KAZN: variants seen among roughly 807,000 people sequenced by gnomAD.
KAZN encodes kazrin, periplakin interacting protein.
KAZN carries 40 observed loss-of-function variants against 87.4 expected under a neutral mutation model. The ratio of observed to expected loss-of-function variants is 0.46; its 90% confidence interval spans 0.36 to 0.60. KAZN has a LOEUF of 0.60. Among genes scored for constraint, KAZN ranks in the 20% least tolerant of loss-of-function variants. The pLI is 0.00. For synonymous variants in KAZN, 466 were observed against 458.3 expected, an observed-to-expected ratio of 1.02 and a Z score of -0.22; for missense variants, 898 against 1,073.9, an observed-to-expected ratio of 0.84 and a Z score of 2.29.
At chr1:13,911,956 T>A (rs1342390418) in intron 1 of KAZN, among the ~76,000 whole-genome samples, 2 of 152,194 alleles carry the variant, frequency 1.3e-5, no homozygotes, top group Admixed American at 6.5e-5. Context: ...TATTGATGTG[T>A]TATTTTGGAC....
intron 2 of KAZN, among the ~76,000 whole-genome samples, chr1:14,276,671 T>C (rs1652383558): frequency 6.6e-6 from 1 of 152,168 alleles, no homozygotes; most frequent in Non-Finnish European, 1.5e-5. Flanking sequence ...TCTCTTTCTA[T>C]AAAAACACCA....
At chr1:14,138,620 T>C (rs1431503006) in intron 1 of KAZN, among the ~76,000 whole-genome samples, 2 of 152,130 alleles carry the variant, frequency 1.3e-5, no homozygotes, top group African/African-American at 4.8e-5. Context: ...CTGCTAGGAA[T>C]GCAGAAGTGG....
chr1:14,485,553 G>A (rs756701501), intron 2 of KAZN, among the ~76,000 whole-genome samples: 9 of 152,074 alleles, frequency 5.9e-5, no homozygotes, highest in Non-Finnish European at 1.2e-4. Flanking sequence ...TGATCCAAAA[G>A]TTACTACCCC....
rs1451824529 is a variant in KAZN at position 14,856,423 on chromosome 1, G to A, written c.227-104261G>A. Among the ~76,000 whole-genome samples the A allele has an allele frequency of 1.3e-5, 2 of 152,168 alleles. No individual in the cohort carries two copies. Among genetic ancestry groups the A allele is most frequent in the African/African-American group, 4.8e-5 (2 of 41,432 alleles). On this transcript the variant is annotated intron_variant, in intron 1 of 14. Transcript: ENST00000376030. This position sits in a 1 kb window ranked among gnomAD's most constrained non-coding sequence, Gnocchi z 5.2. ...AGAAGGAGGCAATATTTCCATAGGT[G>A]GCATAGCTAAAGACATTACAAAGGG...
intron 2 of KAZN, among the ~76,000 whole-genome samples, chr1:14,580,433 C>T (rs895734896): frequency 6.6e-6 from 1 of 152,138 alleles, no homozygotes; most frequent in African/African-American, 2.4e-5. Context: ...CGAGATCGTG[C>T]CATTGCACTC....
intron 14 of KAZN, chr1:15,112,743 G>A (rs574427709): frequency 2.7e-4 from 135 of 506,352 alleles, no homozygotes; most frequent in African/African-American, 1.5e-3. Context: ...CAAAGCCCCC[G>A]CAGGGCTTCG....
intron 2 of KAZN, among the ~76,000 whole-genome samples, chr1:14,473,319 G>A (rs1325052476): frequency 6.6e-6 from 1 of 152,152 alleles, no homozygotes; most frequent in Non-Finnish European, 1.5e-5. Flanking sequence ...TATTTGCTAA[G>A]CCTGGCAACT....
At chr1:13,935,779 A>G (rs1371438080) in intron 1 of KAZN, among the ~76,000 whole-genome samples, 2 of 151,904 alleles carry the variant, frequency 1.3e-5, no homozygotes, top group Non-Finnish European at 2.9e-5. Context: ...TGACAAAGTC[A>G]CTACTGACTG....
chr1:14,919,685 T>A (rs1208665321), intron 1 of KAZN, among the ~76,000 whole-genome samples: 3 of 152,240 alleles, frequency 2.0e-5, no homozygotes, highest in African/African-American at 7.2e-5. Flanking sequence ...CAGTAAAACA[T>A]CTTCTACAAA....
chr1:14,103,059 G>A (rs1405890325), intron 1 of KAZN, among the ~76,000 whole-genome samples: 1 of 151,978 alleles, frequency 6.6e-6, no homozygotes, highest in Non-Finnish European at 1.5e-5. Context: ...TGAGGTTATA[G>A]GTGTGCACCA....
chr1:14,227,414 T>A (rs1307920180), intron 2 of KAZN, among the ~76,000 whole-genome samples: 1 of 152,134 alleles, frequency 6.6e-6, no homozygotes, highest in African/African-American at 2.4e-5. Flanking sequence ...AGGAATCACT[T>A]CCAGGATGTC....
At chr1:14,824,600 G>T (rs569417857) in intron 1 of KAZN, among the ~76,000 whole-genome samples, 1 of 152,264 alleles carries the variant, frequency 6.6e-6, no homozygotes, top group East Asian at 1.9e-4. Flanking sequence ...TTATCTGAGG[G>T]TTAAGTAAAA....
At chr1:15,059,110 T>G (rs560807975) in intron 5 of KAZN, among the ~76,000 whole-genome samples, 1 of 151,936 alleles carries the variant, frequency 6.6e-6, no homozygotes, top group East Asian at 1.9e-4. Flanking sequence ...CACTTTTTTT[T>G]TTTTTTTGGA....
intron 3 of KAZN, among the ~76,000 whole-genome samples, chr1:15,036,730 G>A (rs945314854): frequency 6.6e-6 from 1 of 152,146 alleles, no homozygotes; most frequent in Admixed American, 6.5e-5. Context: ...AGGGGACACC[G>A]CTATCCTGTC....
intron 1 of KAZN, among the ~76,000 whole-genome samples, chr1:14,730,044 C>G (rs1479338380): frequency 6.6e-6 from 1 of 152,142 alleles, no homozygotes; most frequent in Non-Finnish European, 1.5e-5. Flanking sequence ...TTTTATCATC[C>G]AGCCCTTTAC....
intron 10 of KAZN, among the ~76,000 whole-genome samples, chr1:15,095,858 G>A (rs577338968): frequency 3.3e-5 from 5 of 152,200 alleles, no homozygotes; most frequent in Admixed American, 6.5e-5. Flanking sequence ...TGCAGGAGAG[G>A]GGCCCTCGGC....
Position 14,996,227 on chromosome 1 carries a change from G to T in KAZN, c.418+35352G>T, listed in dbSNP as rs545086838. On this transcript the variant is annotated intron_variant, in intron 2 of 14. Coordinates refer to ENST00000376030, the MANE Select transcript of KAZN (RefSeq NM_201628.3). This position sits in a 1 kb window ranked among gnomAD's most constrained non-coding sequence, Gnocchi z 5.9. Reference sequence around the variant, plus strand: ...CCAGTGCCTGGCATCTTGAACAGGGGTCACTGGGTCGGCCTTTCTCTTTCT... The same window carrying T: ...CCAGTGCCTGGCATCTTGAACAGGGTTCACTGGGTCGGCCTTTCTCTTTCT... Among the ~76,000 whole-genome samples, 1 of 152,250 alleles carries T rather than the reference G, an allele frequency of 6.6e-6. No individual in the cohort carries two copies. The highest frequency in any genetic ancestry group is 1.9e-4 in the East Asian group (1 of 5,162).
intron 1 of KAZN, among the ~76,000 whole-genome samples, chr1:14,743,621 A>T (rs1249076122): frequency 6.6e-6 from 1 of 152,062 alleles, no homozygotes; most frequent in Non-Finnish European, 1.5e-5. Flanking sequence ...GGCATTTGGG[A>T]GACCCAGCAG....
intron 1 of KAZN, among the ~76,000 whole-genome samples, chr1:13,924,241 GT>G (rs1281893302): frequency 2.0e-5 from 3 of 152,118 alleles, no homozygotes; most frequent in Admixed American, 1.3e-4. Flanking sequence ...AAACTCAAAG[GT>G]ATGGCTTAAA....
Sources: allele counts gnomAD v4.1 joint callset (sites outside exome capture counted in the v4.1 genomes callset), GRCh38; gene constraint gnomAD v4.1.1; non-coding constraint Gnocchi (gnomAD v3.1); transcripts MANE v1.5; gene names NCBI Gene and HGNC (gene_info 2026-07-23, HGNC 2026-07-21).